The following FMNL2 variants were observed in gnomAD, a reference collection of about 807,000 sequenced individuals.
FMNL2 encodes the protein formin-like protein 2.
A neutral mutation model predicts 130.2 loss-of-function variants in FMNL2; 51 were observed. The observed-to-expected ratio is 0.39, with a 90% CI of 0.31 to 0.49. The LOEUF is 0.49. Among genes scored for constraint, FMNL2 ranks in the 20% least tolerant of loss-of-function variants. The probability of loss-of-function intolerance (pLI) is 0.85; values close to 1 mark genes in which losing one functional copy is unlikely to be tolerated. For missense variants in FMNL2, 977 were observed against 1,316.2 expected (o/e 0.74, Z 3.99); for synonymous variants, 465 against 467.1 (o/e 1.00, Z 0.06).
intron 1 of FMNL2, among the ~76,000 whole-genome samples, chr2:152,359,710 A>T (rs1242646251): frequency 6.6e-6 from 1 of 152,150 alleles, no homozygotes; most frequent in Non-Finnish European, 1.5e-5. Context: ...AAAGCCATTG[A>T]GCAATTTTGG....
At chr2:152,641,161 T>C (rs1476945067) in intron 25 of FMNL2, among the ~76,000 whole-genome samples, 1 of 152,216 alleles carries the variant, frequency 6.6e-6, no homozygotes, top group Non-Finnish European at 1.5e-5. Context: ...TTTCCATTGT[T>C]ATTGATATGT....
At chr2:152,614,689 G>T (rs1427922511) in intron 11 of FMNL2, among the ~76,000 whole-genome samples, 162 bp from the exon 12 acceptor site, 1 of 152,018 alleles carries the variant, frequency 6.6e-6, no homozygotes, top group Non-Finnish European at 1.5e-5. Context: ...GTTGCAGTGA[G>T]CTGAAATCAT....
At position 152,489,428 on chromosome 2, in the gene FMNL2, A is replaced by T. The variant is rs375671262; in HGVS notation, c.118-32515A>T. On this transcript the variant is annotated intron_variant, in intron 1 of 25. Transcript: ENST00000288670. ...GAGGGGCCAGATGTAGAAATGCCTC[A>T]CACTACAGTGGAGGAGACCTCACCA... Among the ~76,000 whole-genome samples, 12 of 152,284 alleles carry T rather than the reference A, an allele frequency of 7.9e-5. 1 individual carries two copies. The East Asian group carries it at 1.5e-3, about 20-fold the overall frequency.
At chr2:152,539,378 T>G (rs1694178841) in intron 2 of FMNL2, 1 of 157,838 alleles carries the variant, frequency 6.3e-6, no homozygotes. Context: ...AGAACCTTCT[T>G]TTTCTGTCTT....
At chr2:152,545,290 C>T (rs567766893) in intron 3 of FMNL2, among the ~76,000 whole-genome samples, 22 of 152,136 alleles carry the variant, frequency 1.4e-4, no homozygotes, top group East Asian at 3.9e-4. Context: ...GATTTCAATT[C>T]GGGGCTTTAA....
intron 10 of FMNL2, among the ~76,000 whole-genome samples, chr2:152,608,218 A>C (rs1698480767): frequency 6.6e-6 from 1 of 152,108 alleles, no homozygotes; most frequent in African/African-American, 2.4e-5. Flanking sequence ...TTCCCAGATC[A>C]CTTCTAACCT....
In FMNL2 at chr2:152,412,062, C is replaced by G. The variant is rs577902529; in HGVS notation, c.117+76342C>G. Among the ~76,000 whole-genome samples the G allele has an allele frequency of 5.9e-5, 9 of 152,212 alleles. No homozygotes were observed. In the South Asian group the frequency reaches 1.9e-3, roughly 32 times the overall value. On this transcript the variant is annotated intron_variant, in intron 1 of 25. Coordinates refer to ENST00000288670, the MANE Select transcript of FMNL2 (RefSeq NM_052905.4). ...CTCATTTTGGGTTAATCTCCCTCTC[C>G]CTAAGCTACTTCATCTCCTTGAATG...
At chr2:152,603,366 A>G (rs143404082) in intron 9 of FMNL2, among the ~76,000 whole-genome samples, 2 of 149,630 alleles carry the variant, frequency 1.3e-5, no homozygotes, top group Non-Finnish European at 3.0e-5. Flanking sequence ...CGCCAAGTTC[A>G]TAGCAGCTGT....
chr2:152,452,278 A>G (rs928093821), intron 1 of FMNL2, among the ~76,000 whole-genome samples: 9 of 152,312 alleles, frequency 5.9e-5, no homozygotes, highest in Admixed American at 2.0e-4. Context: ...CAGGAATATG[A>G]CTTATCTAAC....
intron 1 of FMNL2, among the ~76,000 whole-genome samples, chr2:152,486,752 A>G (rs1175075799): frequency 1.3e-5 from 2 of 152,066 alleles, no homozygotes; most frequent in Non-Finnish European, 2.9e-5. Flanking sequence ...TTCTGGGGGG[A>G]AGAATAAATT....
At chr2:152,443,269 G>A (rs563377227) in intron 1 of FMNL2, among the ~76,000 whole-genome samples, 5 of 152,262 alleles carry the variant, frequency 3.3e-5, no homozygotes, top group Non-Finnish European at 5.9e-5. Context: ...GTGATGGTGT[G>A]TGTGGAGACC....
At chr2:152,508,810 G>C (rs927668917) in intron 1 of FMNL2, among the ~76,000 whole-genome samples, 1 of 152,188 alleles carries the variant, frequency 6.6e-6, no homozygotes, top group Non-Finnish European at 1.5e-5. Context: ...CGCACAGAGG[G>C]TCAATACAGT....
In FMNL2 at chr2:152,592,101, C is replaced by G. The variant is rs926187838; in HGVS notation, c.876+11052C>G. On this transcript the variant is annotated intron_variant, in intron 9 of 25. Transcript: ENST00000288670. The stretch of plus-strand genomic sequence containing the variant: ...CTGGTGGCAGAGCGAGACTTCGTCT[C>G]AAAAAAAAAGAAAAGATAACTCATG... 3.3e-5 allele frequency among the ~76,000 whole-genome samples: 5 copies of G among 150,020 alleles called. 1 individual carries two copies. Among genetic ancestry groups the G allele is most frequent in the Admixed American group, 2.7e-4 (4 of 15,066 alleles).
intron 1 of FMNL2, among the ~76,000 whole-genome samples, chr2:152,505,161 A>T (rs1386859223): frequency 6.6e-6 from 1 of 151,730 alleles, no homozygotes; most frequent in South Asian, 2.1e-4. Context: ...TTTTTTTTTT[A>T]AACCCTGAAG....
chr2:152,400,987 C>G (rs1685662916), intron 1 of FMNL2, among the ~76,000 whole-genome samples: 1 of 152,238 alleles, frequency 6.6e-6, no homozygotes, highest in Non-Finnish European at 1.5e-5. Context: ...CTTCATTTGG[C>G]TGCAAGGAGT....
chr2:152,388,608 C>A (rs1684923076), intron 1 of FMNL2, among the ~76,000 whole-genome samples: 1 of 152,078 alleles, frequency 6.6e-6, no homozygotes, highest in Non-Finnish European at 1.5e-5. Context: ...ACAGCCAAAC[C>A]ATATCAACCA....
chr2:152,363,573 C>G (rs994644570), intron 1 of FMNL2, among the ~76,000 whole-genome samples: 56 of 148,146 alleles, frequency 3.8e-4, no homozygotes, highest in African/African-American at 1.3e-3. Flanking sequence ...TTTTTTTTTT[C>G]CCCCCCAAGA....
rs1327179040 is a variant in FMNL2 at position 152,649,766 on chromosome 2, CAT to C, written c.*1862_*1863del. 1.3e-5 allele frequency: 2 copies of C among 152,692 alleles called. No individual in the cohort carries two copies. The highest frequency in any genetic ancestry group is 3.9e-4 in the East Asian group (2 of 5,192). The allele number at this position is 152,692 out of a possible 1,614,324, so 9.5% of individuals were successfully genotyped here. On this transcript the variant is annotated 3_prime_UTR_variant, in exon 26 of 26. Transcript: ENST00000288670. ...ATTAGAATGTTTTATAAAAGCAATT[CAT>C]GTTACTTTTCTGGTCTTTTCATGGC...
At chr2:152,390,224 GA>G in intron 1 of FMNL2, 1 of 1,455,564 alleles carries the variant, frequency 6.9e-7, no homozygotes, top group Non-Finnish European at 9.6e-7. Context: ...GGCTGAAAGG[GA>G]AGGACATGGT....
Sources: gnomAD v4.1 joint callset for allele counts (sites outside exome capture counted in the v4.1 genomes callset) on GRCh38, gnomAD v4.1.1 for gene constraint, MANE v1.5 for transcripts, NCBI Gene and HGNC (gene_info 2026-07-23, HGNC 2026-07-21) for gene names.